Variants in ATP11C observed in about 807,000 individuals in gnomAD.
ATP11C encodes phospholipid-transporting ATPase IG.
ATP11C carries 36 observed loss-of-function variants against 97.4 expected under a neutral mutation model. That is an observed-to-expected ratio of 0.37 (90% CI 0.28 to 0.49). The LOEUF is 0.49. Ranked by LOEUF, ATP11C falls within the 20% of genes least tolerant of loss-of-function variation. ATP11C has a pLI of 0.98. For synonymous variants in ATP11C, 275 were observed against 290.9 expected (o/e 0.95, Z 0.56); for missense variants, 730 against 824.6 (o/e 0.89, Z 1.40).
At chrX:139,761,510 T>G (rs2082037774) in intron 22 of ATP11C, among the ~76,000 whole-genome samples, 1 of 111,076 alleles carries the variant, frequency 9.0e-6, no homozygotes, top group Admixed American at 9.6e-5. Context: ...TTTTTATTTT[T>G]GTAGAGACAA....
chrX:139,742,426 A>G (rs2081576812), intron 26 of ATP11C, among the ~76,000 whole-genome samples: 1 of 111,630 alleles, frequency 9.0e-6, no homozygotes, highest in Non-Finnish European at 1.9e-5. Flanking sequence ...TTACTGAAAT[A>G]GATGAATAAA....
chrX:139,843,964 T>C (rs1603399078), intron 1 of ATP11C, among the ~76,000 whole-genome samples: 1 of 105,996 alleles, frequency 9.4e-6, no homozygotes. Context: ...CTAATACAAA[T>C]AGGTGAAATA....
Position 139,745,812 on chromosome X carries a change from A to G in ATP11C, c.2874T>C (p.Tyr958=). The G allele has an allele frequency of 8.3e-7, 1 of 1,207,201 alleles. No homozygotes were observed. The highest frequency in any genetic ancestry group is 1.8e-5 in the South Asian group (1 of 55,922). ...NAMLQLGPFL[Y]WTFLAAFEGT... ...CTTCAAAGGCAGCCAGAAATGTCCAATATAAGAAGGGGCCCAACTGTAGCA... is the reference window on the plus strand; with the variant it reads ...CTTCAAAGGCAGCCAGAAATGTCCAGTATAAGAAGGGGCCCAACTGTAGCA... Residue 958 remains tyrosine (Y), a synonymous_variant, in exon 25 of 30, where the codon TAT becomes TAC. Transcript: ENST00000682941.
intron 18 of ATP11C, among the ~76,000 whole-genome samples, chrX:139,778,243 T>C (rs1260265499): frequency 9.0e-6 from 1 of 111,638 alleles, no homozygotes; most frequent in African/African-American, 3.3e-5. Context: ...AATAAAGTTT[T>C]TCCCAGACAA....
chrX:139,861,870 GGGCACTTTA>G (rs1460183747), intron 1 of ATP11C, among the ~76,000 whole-genome samples: 1 of 110,453 alleles, frequency 9.1e-6, no homozygotes, highest in African/African-American at 3.3e-5. Context: ...TATAATGTTG[GGGCACTTTA>G]GGCCTCAGGA....
At chrX:139,881,471 C>A (rs1240274659) in intron 1 of ATP11C, among the ~76,000 whole-genome samples, 4 of 110,669 alleles carry the variant, frequency 3.6e-5, no homozygotes, top group Non-Finnish European at 7.6e-5. Flanking sequence ...CAGTGGTAGG[C>A]GGCCGGTAGC....
chrX:139,902,954 C>CT (rs202214523), intron 1 of ATP11C, among the ~76,000 whole-genome samples: 2,734 of 111,734 alleles, frequency 0.024, 75 homozygotes, highest in African/African-American at 0.085. Context: ...ACTCAAGAGT[C>CT]TCAGAGCAAG....
upstream of ATP11C, among the ~76,000 whole-genome samples, chrX:139,934,534 C>G (rs745952997): frequency 1.9e-5 from 2 of 104,620 alleles, no homozygotes; most frequent in African/African-American, 3.5e-5. Context: ...GAGTTATTTT[C>G]TAGCTTTCTA....
chrX:139,758,273 G>C (rs944124287), intron 22 of ATP11C, among the ~76,000 whole-genome samples: 2 of 112,371 alleles, frequency 1.8e-5, no homozygotes, highest in Non-Finnish European at 3.8e-5. Flanking sequence ...AATTATTATA[G>C]ATTATGTTGA....
intron 1 of ATP11C, among the ~76,000 whole-genome samples, chrX:139,902,669 T>A (rs909157449): frequency 9.0e-6 from 1 of 111,144 alleles, no homozygotes; most frequent in Non-Finnish European, 1.9e-5. Context: ...TCTAGCAAAA[T>A]TGGGGCTAAC....
intron 23 of ATP11C, among the ~76,000 whole-genome samples, chrX:139,754,483 T>C (rs2148658160): frequency 8.9e-6 from 1 of 112,116 alleles, no homozygotes; most frequent in African/African-American, 3.2e-5. Context: ...CCCTAAATCA[T>C]TCTATCAGGC....
At chrX:139,832,104 T>A (rs1336928248) in intron 1 of ATP11C, 1 of 1,181,416 alleles carries the variant, frequency 8.5e-7, no homozygotes, top group Non-Finnish European at 1.1e-6. Flanking sequence ...CCCCAAGACC[T>A]CAAAACCCAA....
intron 26 of ATP11C, 114 bp from the exon 27 acceptor site, chrX:139,741,208 C>T (rs1483743082): frequency 2.7e-5 from 13 of 481,853 alleles, no homozygotes; most frequent in Non-Finnish European, 4.3e-5. Context: ...CTAGCTTGGG[C>T]CAGGGATCCA....
intron 1 of ATP11C, among the ~76,000 whole-genome samples, chrX:139,911,373 G>A (rs2085071886): frequency 8.9e-6 from 1 of 111,838 alleles, no homozygotes; most frequent in Non-Finnish European, 1.9e-5. Context: ...ATGCAAAAAT[G>A]TTTAACTTCA....
At chrX:139,871,231 G>A (rs2084371509) in intron 1 of ATP11C, among the ~76,000 whole-genome samples, 1 of 105,066 alleles carries the variant, frequency 9.5e-6, no homozygotes, top group Non-Finnish European at 1.9e-5. Context: ...TTTTTGAGAT[G>A]GAGTCTTGCT....
rs2081265959 is a variant in ATP11C at position 139,727,153 on chromosome X, A to C, written c.*1813T>G. ...GGTACTGCATTAAACAAGCCTCTCTACTGTGGCTCTCTTGTCTGTATTCAC... is the reference window on the plus strand; with the variant it reads ...GGTACTGCATTAAACAAGCCTCTCTCCTGTGGCTCTCTTGTCTGTATTCAC... On this transcript the variant is annotated 3_prime_UTR_variant, in exon 30 of 30. Coordinates refer to ENST00000682941, the MANE Select transcript of ATP11C (RefSeq NM_001353812.2). The C allele has an allele frequency of 8.9e-6, 1 of 112,375 alleles. No homozygotes were observed. The highest frequency in any genetic ancestry group is 1.9e-5 in the Non-Finnish European group (1 of 53,186). The allele number at this position is 112,375 out of a possible 1,213,427, so 9.3% of individuals were successfully genotyped here.
chrX:139,783,407 A>G (rs76924276), intron 16 of ATP11C, 140 bp from the exon 17 acceptor site: 1 of 385,516 alleles, frequency 2.6e-6, no homozygotes, highest in Non-Finnish European at 4.4e-6. Flanking sequence ...CCTAAATGGA[A>G]TGAGAAATCT....
intron 1 of ATP11C, among the ~76,000 whole-genome samples, chrX:139,906,104 T>C (rs1041098133): frequency 6.3e-5 from 7 of 111,263 alleles, no homozygotes; most frequent in African/African-American, 2.0e-4. Flanking sequence ...AAGCTTTCCA[T>C]CTAAGAAAAA....
At chrX:139,812,762 C>T (rs1603382745) in intron 5 of ATP11C, among the ~76,000 whole-genome samples, 1 of 111,111 alleles carries the variant, frequency 9.0e-6, no homozygotes, top group Non-Finnish European at 1.9e-5. Flanking sequence ...TCAAGCGATC[C>T]ACCCAACTTG....
Sources: gnomAD v4.1 joint callset for allele counts (sites outside exome capture counted in the v4.1 genomes callset) on GRCh38, gnomAD v4.1.1 for gene constraint, MANE v1.5 for transcripts, NCBI Gene and HGNC (gene_info 2026-07-23, HGNC 2026-07-21) for gene names.